The following TXNDC8 variants were observed in gnomAD, a reference collection of about 807,000 sequenced individuals.
The protein encoded by TXNDC8 is thioredoxin domain containing 8, also known as thioredoxin domain-containing protein 8.
A neutral mutation model predicts 12.9 loss-of-function variants in TXNDC8; 15 were observed. That is an observed-to-expected ratio of 1.16 (90% CI 0.78 to 1.79). The LOEUF (loss-of-function observed/expected upper bound fraction) is 1.79. Among genes scored for constraint, TXNDC8 ranks in the 40% most tolerant of loss-of-function variants. TXNDC8 has a pLI of 0.00. For synonymous variants in TXNDC8, 40 were observed against 35.4 expected, an observed-to-expected ratio of 1.13 and a Z score of -0.46; for missense variants, 128 against 113.2, an observed-to-expected ratio of 1.13 and a Z score of -0.59.
Position 110,326,215 on chromosome 9 carries a change from T to A in TXNDC8, c.155A>T (p.Lys52Ile). The stretch of plus-strand genomic sequence containing the variant: ...GAACATCTGAAATGTGGGTATTGTT[T>A]TGATGTGACAAGTTTCAGCCAGCTC... Residue 52 changes from lysine to isoleucine, a missense_variant, in exon 3 of 5, where the codon AAA becomes ATA. Transcript: ENST00000423740. 6.2e-7 allele frequency: 1 copy of A among 1,614,082 alleles called. No homozygotes were observed. The highest frequency in any genetic ancestry group is 8.5e-7 in the Non-Finnish European group (1 of 1,179,986).
intron 3 of TXNDC8, among the ~76,000 whole-genome samples, chr9:110,312,561 C>T (rs903657608): frequency 6.6e-6 from 1 of 152,216 alleles, no homozygotes; most frequent in East Asian, 1.9e-4. Context: ...TTCCCATAGG[C>T]ATTTGATGGT....
chr9:110,323,205 G>A, intron 3 of TXNDC8: 2 of 985,368 alleles, frequency 2.0e-6, no homozygotes, highest in Non-Finnish European at 2.4e-6. Context: ...ATTTATAGAT[G>A]GAACTAGAAG....
intron 3 of TXNDC8, among the ~76,000 whole-genome samples, chr9:110,311,556 TA>T (rs1388090633): frequency 8.6e-4 from 113 of 132,112 alleles, no homozygotes; most frequent in African/African-American, 2.8e-3. Context: ...TATATATATA[TA>T]TCTCCATACT....
intron 3 of TXNDC8, among the ~76,000 whole-genome samples, chr9:110,312,837 T>C (rs776736407): frequency 2.0e-5 from 3 of 152,190 alleles, no homozygotes; most frequent in African/African-American, 7.2e-5. Flanking sequence ...GCCTAATGTT[T>C]TTCCATTTAT....
intron 2 of TXNDC8, among the ~76,000 whole-genome samples, chr9:110,328,761 A>C (rs1324988316): frequency 6.6e-6 from 1 of 152,236 alleles, no homozygotes; most frequent in Non-Finnish European, 1.5e-5. Context: ...AGCCAAGATC[A>C]CGCCATTGCA....
intron 3 of TXNDC8, among the ~76,000 whole-genome samples, chr9:110,312,218 A>G (rs943361376): frequency 6.6e-6 from 1 of 152,176 alleles, no homozygotes; most frequent in African/African-American, 2.4e-5. Context: ...GTTTCTCTCT[A>G]CCTGATTTCT....
intron 2 of TXNDC8, among the ~76,000 whole-genome samples, chr9:110,332,612 A>G (rs762935602): frequency 5.3e-5 from 8 of 152,226 alleles, no homozygotes; most frequent in Non-Finnish European, 1.0e-4. Context: ...TACAAAAGTG[A>G]CCATAAAAAC....
chr9:110,336,994 C>T (rs577587723), intron 1 of TXNDC8, among the ~76,000 whole-genome samples: 25 of 152,302 alleles, frequency 1.6e-4, no homozygotes, highest in Admixed American at 1.6e-3. Flanking sequence ...AAAGCATTAG[C>T]AAATGTGTGA....
At chr9:110,332,686 G>A (rs1456484228) in intron 2 of TXNDC8, among the ~76,000 whole-genome samples, 1 of 152,086 alleles carries the variant, frequency 6.6e-6, no homozygotes, top group Admixed American at 6.5e-5. Context: ...TCTGCTGTAT[G>A]TTATACCAAA....
intron 2 of TXNDC8, among the ~76,000 whole-genome samples, chr9:110,327,353 G>A (rs1021583454): frequency 6.2e-5 from 9 of 145,312 alleles, no homozygotes; most frequent in South Asian, 2.2e-4. Context: ...ATGGAATTTC[G>A]CTCTTGTCGC....
At chr9:110,318,146 C>T (rs182233791) in intron 3 of TXNDC8, among the ~76,000 whole-genome samples, 4 of 152,260 alleles carry the variant, frequency 2.6e-5, no homozygotes, top group Non-Finnish European at 5.9e-5. Flanking sequence ...AGTGGTGTTC[C>T]TAAGTAGGGC....
intron 1 of TXNDC8, among the ~76,000 whole-genome samples, chr9:110,335,480 G>A (rs907358967): frequency 2.0e-5 from 3 of 152,162 alleles, no homozygotes; most frequent in Admixed American, 6.5e-5. Flanking sequence ...CACTGGAATT[G>A]CAACAATTGT....
intron 4 of TXNDC8, chr9:110,303,798 C>A: frequency 8.7e-7 from 1 of 1,155,092 alleles, no homozygotes; most frequent in Non-Finnish European, 1.2e-6. Flanking sequence ...AAAAACTTTG[C>A]CAGATCTCTA....
intron 3 of TXNDC8, among the ~76,000 whole-genome samples, chr9:110,312,435 A>G (rs564768492): frequency 6.6e-6 from 1 of 152,120 alleles, no homozygotes; most frequent in African/African-American, 2.4e-5. Flanking sequence ...AACTGGCCTC[A>G]TACCTTGTCT....
chr9:110,318,715 G>A (rs2118787563), intron 3 of TXNDC8, among the ~76,000 whole-genome samples: 1 of 152,076 alleles, frequency 6.6e-6, no homozygotes, highest in South Asian at 2.1e-4. Context: ...TCCAGCCTGG[G>A]CGACAGAGCA....
chr9:110,322,443 A>G, intron 3 of TXNDC8: 1 of 985,440 alleles, frequency 1.0e-6, no homozygotes, highest in South Asian at 4.7e-5. Context: ...AAAGAGATAC[A>G]TATCCATTAG....
intron 1 of TXNDC8, 127 bp downstream of exon 1, chr9:110,337,646 G>T: frequency 1.2e-6 from 1 of 859,006 alleles, no homozygotes; most frequent in South Asian, 1.8e-5. Flanking sequence ...CAAGAATTTA[G>T]AACTCTCCCC....
chr9:110,325,766 G>A (rs768974707), intron 3 of TXNDC8, among the ~76,000 whole-genome samples: 11 of 152,084 alleles, frequency 7.2e-5, no homozygotes, highest in East Asian at 3.9e-4. Context: ...TGATCTGCCC[G>A]CCTTGGCCTC....
chr9:110,331,386 A>G (rs568979451), intron 2 of TXNDC8, among the ~76,000 whole-genome samples: 2 of 152,232 alleles, frequency 1.3e-5, no homozygotes, highest in Admixed American at 1.3e-4. Context: ...CCCGTTTCCC[A>G]TGACTTCTGG....
Sources: gnomAD v4.1 joint callset for allele counts (sites outside exome capture counted in the v4.1 genomes callset) on GRCh38, gnomAD v4.1.1 for gene constraint, MANE v1.5 for transcripts, NCBI Gene and HGNC (gene_info 2026-07-23, HGNC 2026-07-21) for gene names.